SLC38A6: variants seen among roughly 807,000 people sequenced by gnomAD.
The protein encoded by SLC38A6 is solute carrier family 38 member 6.
A neutral mutation model predicts 65.0 loss-of-function variants in SLC38A6; 73 were observed. That is an observed-to-expected ratio of 1.12 (90% confidence interval 0.93 to 1.37). SLC38A6 has a LOEUF of 1.37. Among genes scored for constraint, SLC38A6 ranks in the 40% most tolerant of loss-of-function variants. The probability of loss-of-function intolerance (pLI) is 0.00; values close to 1 mark genes in which losing one functional copy is unlikely to be tolerated. For synonymous variants in SLC38A6, 183 were observed against 178.8 expected (o/e 1.02, Z -0.19); for missense variants, 561 against 531.1 (o/e 1.06, Z -0.55).
At position 61,080,074 on chromosome 14, in the gene SLC38A6, T is replaced by A. The variant is rs138796027; in HGVS notation, c.1408+1147T>A. On this transcript the variant is annotated intron_variant, in intron 16 of 16. Coordinates refer to the SLC38A6 transcript ENST00000354886. ...TGGCCAAGCTGTTAATAACCTGAGATTGGGCACCATGAACAATAAGCATTA... is the reference window on the plus strand; with the variant it reads ...TGGCCAAGCTGTTAATAACCTGAGAATGGGCACCATGAACAATAAGCATTA... 1.5e-3 allele frequency among the ~76,000 whole-genome samples: 236 copies of A among 152,316 alleles called. 2 individuals are homozygous for A. The highest frequency in any genetic ancestry group is 5.6e-3 in the African/African-American group (232 of 41,568).
chr14:60,994,742 G>A (rs1380364744), intron 3 of SLC38A6, among the ~76,000 whole-genome samples: 4 of 147,626 alleles, frequency 2.7e-5, no homozygotes, highest in Non-Finnish European at 6.0e-5. Flanking sequence ...GGTGGCTCAC[G>A]CCTGTACTCC....
intron 14 of SLC38A6, 41 bp from the exon 15 acceptor site, chr14:61,052,000 A>G: frequency 6.3e-7 from 1 of 1,597,944 alleles, no homozygotes; most frequent in Non-Finnish European, 8.5e-7. Flanking sequence ...TCACATCTGA[A>G]TCCAGCAATA....
chr14:60,990,907 C>T (rs2037833784), intron 3 of SLC38A6, among the ~76,000 whole-genome samples: 1 of 152,150 alleles, frequency 6.6e-6, no homozygotes, highest in African/African-American at 2.4e-5. Flanking sequence ...TGTTTTCCAA[C>T]ACCAGCTCAA....
At chr14:61,046,416 C>T (rs989771137) in intron 12 of SLC38A6, among the ~76,000 whole-genome samples, 1 of 152,086 alleles carries the variant, frequency 6.6e-6, no homozygotes, top group Admixed American at 6.6e-5. Context: ...AAACTTCAGG[C>T]TTAGGGACAT....
chr14:61,060,855 G>T (rs1292388166), intron 15 of SLC38A6, among the ~76,000 whole-genome samples: 1 of 125,446 alleles, frequency 8.0e-6, no homozygotes, highest in Non-Finnish European at 1.7e-5. Flanking sequence ...TCTGAAAAGC[G>T]CAATATTCGG....
At chr14:61,020,267 G>C (rs746068650) in intron 5 of SLC38A6, among the ~76,000 whole-genome samples, 2 of 151,932 alleles carry the variant, frequency 1.3e-5, no homozygotes, top group Non-Finnish European at 2.9e-5. Context: ...CAATATCTTC[G>C]TTTTCTTTTA....
At chr14:61,037,178 A>G in intron 7 of SLC38A6, 37 bp downstream of exon 7, 2 of 1,438,368 alleles carry the variant, frequency 1.4e-6, no homozygotes, top group Admixed American at 2.2e-5. Flanking sequence ...GTTTAGAAAA[A>G]GGAAAGAAGG....
chr14:61,057,864 G>T (rs918344219), intron 15 of SLC38A6, among the ~76,000 whole-genome samples: 4 of 129,074 alleles, frequency 3.1e-5, no homozygotes, highest in Admixed American at 7.9e-5. Context: ...TGTATGTGTC[G>T]AGGAATGTAT....
intron 15 of SLC38A6, among the ~76,000 whole-genome samples, chr14:61,067,714 CAT>C (rs139123364): frequency 0.015 from 2,220 of 151,276 alleles, 22 homozygotes; most frequent in African/African-American, 0.029. Context: ...CACACACACA[CAT>C]ATATATATAT....
chr14:61,055,118 C>G (rs10129272), downstream of SLC38A6, among the ~76,000 whole-genome samples: 1 of 98,656 alleles, frequency 1.0e-5, no homozygotes, highest in East Asian at 3.3e-4. Flanking sequence ...TTTTTTTTTT[C>G]TTTTTTTTTT....
At chr14:61,039,921 A>G (rs2041684028) in intron 8 of SLC38A6, among the ~76,000 whole-genome samples, 1 of 151,872 alleles carries the variant, frequency 6.6e-6, no homozygotes. Flanking sequence ...GTTCTCCCAG[A>G]TCTGTATTTT....
chr14:60,981,456 G>A, intron 1 of SLC38A6, 74 bp downstream of exon 1: 1 of 1,544,858 alleles, frequency 6.5e-7, no homozygotes, highest in South Asian at 1.2e-5. Context: ...ATAAGACCCA[G>A]AAAAGGAGGA....
At chr14:60,986,845 A>G (rs2037482570) in intron 3 of SLC38A6, among the ~76,000 whole-genome samples, 1 of 152,186 alleles carries the variant, frequency 6.6e-6, no homozygotes, top group Non-Finnish European at 1.5e-5. Flanking sequence ...TTTAGTTTTA[A>G]TTTAAGTAAA....
chr14:61,007,540 G>T (rs2039233209), intron 3 of SLC38A6, among the ~76,000 whole-genome samples: 1 of 152,160 alleles, frequency 6.6e-6, no homozygotes, highest in Non-Finnish European at 1.5e-5. Flanking sequence ...AACTCCAGGG[G>T]CTGAGGCAGG....
intron 6 of SLC38A6, 180 bp downstream of exon 6, chr14:61,030,703 G>C (rs951863101): frequency 2.0e-6 from 1 of 509,582 alleles, no homozygotes; most frequent in Middle Eastern, 5.2e-4. Context: ...GCCAATGTTT[G>C]ATTACCCATA....
chr14:61,038,501 T>A (rs1056395696), intron 8 of SLC38A6, among the ~76,000 whole-genome samples: 10 of 152,148 alleles, frequency 6.6e-5, no homozygotes, highest in Non-Finnish European at 1.3e-4. Context: ...CCAAATGAGC[T>A]TTTCATAAGC....
chr14:61,083,506 GA>G (rs2043737444), intron 16 of SLC38A6: 1 of 1,522,756 alleles, frequency 6.6e-7, no homozygotes, highest in South Asian at 1.3e-5. Context: ...AAATTAAAAT[GA>G]GGCCATTAAG....
At chr14:61,037,471 A>T (rs1011363754) in intron 7 of SLC38A6, among the ~76,000 whole-genome samples, 154 bp from the exon 8 acceptor site, 6 of 152,164 alleles carry the variant, frequency 3.9e-5, no homozygotes, top group Non-Finnish European at 7.4e-5. Context: ...TACATAAATG[A>T]TCTGTGACAG....
intron 3 of SLC38A6, among the ~76,000 whole-genome samples, chr14:60,985,436 A>G (rs1017571751): frequency 6.6e-6 from 1 of 152,208 alleles, no homozygotes; most frequent in Non-Finnish European, 1.5e-5. Context: ...AAGTATATGA[A>G]TTATAGAAGT....
Sources: allele counts gnomAD v4.1 joint callset (sites outside exome capture counted in the v4.1 genomes callset), GRCh38; gene constraint gnomAD v4.1.1; transcripts MANE v1.5; gene names NCBI Gene and HGNC (gene_info 2026-07-23, HGNC 2026-07-21).